Variants in IL1RAPL1 observed in about 807,000 individuals in gnomAD.
IL1RAPL1 encodes interleukin-1 receptor accessory protein-like 1.
A neutral mutation model predicts 48.4 loss-of-function variants in IL1RAPL1; 3 were observed. The observed-to-expected ratio is 0.06, with a 90% CI of 0.03 to 0.16. The LOEUF (loss-of-function observed/expected upper bound fraction) is 0.16, where lower values mean the gene tolerates loss of function less well. IL1RAPL1 is among the 10% of genes least tolerant of loss of function. The pLI is 1.00. For missense variants in IL1RAPL1, 349 were observed against 530.6 expected (o/e 0.66, Z 3.36); for synonymous variants, 185 against 187.7 (o/e 0.99, Z 0.12).
At chrX:28,862,089 A>G (rs999357655) in intron 2 of IL1RAPL1, among the ~76,000 whole-genome samples, 5 of 111,995 alleles carry the variant, frequency 4.5e-5, no homozygotes, top group African/African-American at 1.6e-4. Flanking sequence ...AATTTTAGAT[A>G]ATTTATATCT....
intron 1 of IL1RAPL1, among the ~76,000 whole-genome samples, chrX:28,672,228 A>G (rs887645004): frequency 8.9e-6 from 1 of 111,916 alleles, no homozygotes; most frequent in African/African-American, 3.2e-5. Flanking sequence ...AGAATGTTAA[A>G]AAAAAAATAA....
intron 2 of IL1RAPL1, among the ~76,000 whole-genome samples, chrX:28,796,321 A>C (rs1936610455): frequency 9.0e-6 from 1 of 111,198 alleles, no homozygotes; most frequent in Admixed American, 9.5e-5. Flanking sequence ...CAGTCCCCCA[A>C]AGTCTTCACT....
chrX:29,198,078 A>G (rs1025479244), intron 2 of IL1RAPL1, among the ~76,000 whole-genome samples: 1 of 111,372 alleles, frequency 9.0e-6, no homozygotes, highest in Non-Finnish European at 1.9e-5. Flanking sequence ...AAAATAGAAG[A>G]CATGCTTTTC....
intron 5 of IL1RAPL1, among the ~76,000 whole-genome samples, chrX:29,476,808 C>A (rs1934979442): frequency 1.9e-5 from 2 of 107,416 alleles, no homozygotes; most frequent in Admixed American, 9.8e-5. Context: ...ATAGCACTTC[C>A]TATGTGCCAC....
intron 8 of IL1RAPL1, among the ~76,000 whole-genome samples, chrX:29,936,643 T>C (rs1933038995): frequency 9.0e-6 from 1 of 110,881 alleles, no homozygotes; most frequent in Non-Finnish European, 1.9e-5. Context: ...TTAAAAGCTT[T>C]ACCTTTTCGA....
chrX:29,578,656 C>T (rs994470424), intron 5 of IL1RAPL1, among the ~76,000 whole-genome samples: 5 of 111,232 alleles, frequency 4.5e-5, no homozygotes, highest in Non-Finnish European at 1.9e-5. Context: ...CTTTCTATCC[C>T]CTTGTTCCCA....
At chrX:29,218,138 A>G (rs1930911752) in intron 2 of IL1RAPL1, among the ~76,000 whole-genome samples, 1 of 111,941 alleles carries the variant, frequency 8.9e-6, no homozygotes, top group Non-Finnish European at 1.9e-5. Context: ...AATTTACTTC[A>G]TAGTGCAGGA....
intron 6 of IL1RAPL1, among the ~76,000 whole-genome samples, chrX:29,721,294 G>C (rs1426702632): frequency 9.0e-6 from 1 of 111,545 alleles, no homozygotes; most frequent in African/African-American, 3.3e-5. Flanking sequence ...CAACAAGCTA[G>C]GTGAGGAAAA....
intron 1 of IL1RAPL1, among the ~76,000 whole-genome samples, chrX:28,725,007 A>G (rs1441482161): frequency 2.0e-5 from 2 of 99,867 alleles, no homozygotes; most frequent in Non-Finnish European, 4.0e-5. Context: ...GCTGGAGTGC[A>G]GTGATGCAAT....
In IL1RAPL1 at chrX:29,305,869, A is replaced by C. The variant is rs188847480; in HGVS notation, c.362+22652A>C. Among the ~76,000 whole-genome samples the C allele has an allele frequency of 2.7e-5, 3 of 112,300 alleles. No homozygotes were observed. In the East Asian group the frequency reaches 8.4e-4, roughly 32 times the overall value. ...TGTGTGTGGGCACAGAATATGAATA[A>C]ATGAATGAATGAATGAATAATAGCA... On this transcript the variant is annotated intron_variant, in intron 3 of 10. Coordinates refer to ENST00000378993, the MANE Select transcript of IL1RAPL1 (RefSeq NM_014271.4).
intron 5 of IL1RAPL1, among the ~76,000 whole-genome samples, chrX:29,416,854 G>A (rs992886048): frequency 2.7e-5 from 3 of 111,156 alleles, no homozygotes; most frequent in African/African-American, 9.8e-5. Flanking sequence ...CCCATTTGAG[G>A]CATGTTCAGG....
intron 5 of IL1RAPL1, among the ~76,000 whole-genome samples, chrX:29,408,501 A>G (rs1934102742): frequency 9.0e-6 from 1 of 111,304 alleles, no homozygotes; most frequent in African/African-American, 3.3e-5. Context: ...TTAAAATGTT[A>G]TGTCAGAAAA....
intron 6 of IL1RAPL1, among the ~76,000 whole-genome samples, chrX:29,729,640 C>T (rs1016761846): frequency 9.8e-5 from 11 of 111,810 alleles, no homozygotes; most frequent in African/African-American, 3.3e-4. Flanking sequence ...CTTTCTCCAC[C>T]TTCCCATTAC....
chrX:29,334,863 C>G (rs1378501743), intron 3 of IL1RAPL1, among the ~76,000 whole-genome samples: 1 of 112,873 alleles, frequency 8.9e-6, no homozygotes, highest in Non-Finnish European at 1.9e-5. Flanking sequence ...TCCTCACTTC[C>G]CAGACGGGTT....
intron 2 of IL1RAPL1, among the ~76,000 whole-genome samples, chrX:29,246,150 C>CTTTTTTTT (rs761809643): frequency 1.9e-5 from 1 of 52,030 alleles, no homozygotes. Context: ...TCTCATCGCT[C>CTTTTTTTT]TTTTTTTTTT....
chrX:29,335,724 C>G (rs1932983789), intron 3 of IL1RAPL1, among the ~76,000 whole-genome samples: 1 of 111,513 alleles, frequency 9.0e-6, no homozygotes, highest in African/African-American at 3.3e-5. Context: ...AACTGATAGA[C>G]TTGACCTGAG....
At chrX:28,681,025 G>A (rs1935054204) in intron 1 of IL1RAPL1, among the ~76,000 whole-genome samples, 2 of 111,466 alleles carry the variant, frequency 1.8e-5, no homozygotes, top group Admixed American at 1.9e-4. Flanking sequence ...ATTCACCTGT[G>A]AAGGCATCTG....
At chrX:29,129,761 A>AT in intron 2 of IL1RAPL1, among the ~76,000 whole-genome samples, 1 of 108,133 alleles carries the variant, frequency 9.2e-6, no homozygotes, top group Non-Finnish European at 1.9e-5. Context: ...CGTCCAGCTA[A>AT]TTTTTTGTAT....
At chrX:29,784,983 CT>C (rs938809053) in intron 6 of IL1RAPL1, among the ~76,000 whole-genome samples, 9 of 111,972 alleles carry the variant, frequency 8.0e-5, no homozygotes, top group African/African-American at 2.9e-4. Flanking sequence ...GTCATTACCT[CT>C]TTTGACAAAA....
Sources: gnomAD v4.1 joint callset for allele counts (sites outside exome capture counted in the v4.1 genomes callset) on GRCh38, gnomAD v4.1.1 for gene constraint, MANE v1.5 for transcripts, NCBI Gene and HGNC (gene_info 2026-07-23, HGNC 2026-07-21) for gene names.